Variants in DBF4B observed in about 807,000 individuals in gnomAD.
The protein encoded by DBF4B is DBF4B-CDC7 kinase regulatory subunit, also known as protein DBF4 homolog B.
A neutral mutation model predicts 53.4 loss-of-function variants in DBF4B; 49 were observed. That is an observed-to-expected ratio of 0.92 (90% CI 0.73 to 1.16). The LOEUF (loss-of-function observed/expected upper bound fraction) is 1.16, where lower values mean the gene tolerates loss of function less well. Among genes scored for constraint, DBF4B ranks in the 50% most tolerant of loss-of-function variants. The pLI is 0.00. For missense variants in DBF4B, 692 were observed against 775.0 expected (o/e 0.89, Z 1.27); for synonymous variants, 257 against 288.7 (o/e 0.89, Z 1.11).
At chr17:44,732,139 G>T in intron 5 of DBF4B, 39 bp from the exon 6 acceptor site, 1 of 1,606,136 alleles carries the variant, frequency 6.2e-7, no homozygotes, top group Non-Finnish European at 8.5e-7. Context: ...AGGCCTTGGG[G>T]AGTCTCTGCT....
rs767661618 is a variant in DBF4B, at chr17:44,709,263, G to A, written c.20-41G>A. ...GGCGGGAGGCATGGAAGTTCCAAGG[G>A]TTGGTGAAGATGGTTGAGTTGCTGT... On this transcript the variant is annotated intron_variant, in intron 1 of 13. Coordinates refer to ENST00000315005, the MANE Select transcript of DBF4B (RefSeq NM_145663.3). The A allele has an allele frequency of 4.3e-6, 7 of 1,613,410 alleles. No individual in the cohort carries two copies. In the African/African-American group the frequency reaches 5.3e-5, roughly 12 times the overall value.
In DBF4B at chr17:44,749,763, G is replaced by A; in HGVS notation, c.1190-832G>A. The A allele has an allele frequency of 9.0e-7, 1 of 1,110,592 alleles. No individual in the cohort carries two copies. The highest frequency in any genetic ancestry group is 1.1e-6 in the Non-Finnish European group (1 of 900,666). 68.8% of individuals were successfully genotyped at this position (1,110,592 alleles called of 1,614,324 possible). A position where few individuals can be genotyped will look rare whatever the true frequency, so the allele number is the denominator to read the frequency against. Reference sequence around the variant, plus strand: ...GGCCCGGCTTCCTGGCCCTCCACAGGCCCTTGCCTCTCTGCAGAGCCGCGG... The same window carrying A: ...GGCCCGGCTTCCTGGCCCTCCACAGACCCTTGCCTCTCTGCAGAGCCGCGG... On this transcript the variant is annotated intron_variant, in intron 13 of 13. Coordinates refer to ENST00000315005, the MANE Select transcript of DBF4B (RefSeq NM_145663.3). The surrounding 1 kb of genome is among the most constrained non-coding windows in gnomAD (Gnocchi z 4.4).
rs1218889119 is a variant in DBF4B, at chr17:44,750,602, A to C, written c.1197A>C (p.Gln399His). ...CCTTGATCTGCCCTCCAGTGACCCA[A>C]GGCAGGGCTGCGGGCCAGCAGCGAT... ...KEDSCQASVTQGRAAGQQRWT... is the reference protein window; with the variant it reads ...KEDSCQASVTHGRAAGQQRWT... The change falls in exon 14 of 14, where the codon CAA (glutamine) becomes CAC (histidine). Residue 399 changes from glutamine to histidine, a missense_variant. Gln to His is a conservative substitution (Grantham distance 24, BLOSUM62 0). Transcript: ENST00000315005. The C allele has an allele frequency of 6.2e-7, 1 of 1,610,034 alleles. No individual in the cohort carries two copies. Among genetic ancestry groups the C allele is most frequent in the Middle Eastern group, 1.7e-4 (1 of 6,044 alleles).
intron 2 of DBF4B, among the ~76,000 whole-genome samples, chr17:44,717,563 G>T (rs937626457): frequency 2.2e-4 from 34 of 151,956 alleles, no homozygotes; most frequent in African/African-American, 8.0e-4. Context: ...AAAAAAATTA[G>T]CTGGATGTAG....
intron 10 of DBF4B, among the ~76,000 whole-genome samples, chr17:44,744,563 C>T (rs1249624670): frequency 6.6e-6 from 1 of 152,092 alleles, no homozygotes; most frequent in Non-Finnish European, 1.5e-5. Flanking sequence ...AGTAAATTTG[C>T]AATTGCTCAT....
At chr17:44,746,648 G>A (rs532374155) in intron 10 of DBF4B, among the ~76,000 whole-genome samples, 3 of 152,072 alleles carry the variant, frequency 2.0e-5, no homozygotes, top group South Asian at 2.1e-4. Context: ...GTGAAACCCC[G>A]TCTCTACTGA....
At position 44,748,346 on chromosome 17, in the gene DBF4B, C is replaced by T; in HGVS notation, c.1070C>T (p.Ser357Leu). The change falls in exon 13 of 14, where the codon TCA becomes TTA. Residue 357 changes from serine (S) to leucine (L), a missense_variant. Ser to Leu is a moderately radical substitution (Grantham distance 145). Around this residue, in one of 3 missense-constraint regions of DBF4B, gnomAD observed 597 missense variants for 665.8 expected, o/e 0.90. Transcript: ENST00000315005. ...IPFQAGLPRW[S>L]GSPASDCDPL... ...CAGTGTTTCTGTCCCAACAGGTGGT[C>T]AGGTTCCCCAGCTTCTGATTGTGAC... 6.3e-7 allele frequency: 1 copy of T among 1,595,660 alleles called. No homozygotes were observed. The highest frequency in any genetic ancestry group is 8.5e-7 in the Non-Finnish European group (1 of 1,170,736).
chr17:44,730,983 A>G lies in DBF4B; in HGVS notation c.436A>G (p.Lys146Glu). 1.9e-6 allele frequency: 3 copies of G among 1,613,972 alleles called. No individual in the cohort carries two copies. The highest frequency in any genetic ancestry group is 2.5e-6 in the Non-Finnish European group (3 of 1,179,910). ...CTGTCAGGTGCCTCTAAGCAGAGGG[A>G]AGGAGCTGCTGCAGAAGGCTATCAG... ...PVDSVPLSRGKELLQKAIRNQ... is the reference protein window; with the variant it reads ...PVDSVPLSRGEELLQKAIRNQ... Residue 146 changes from lysine (K) to glutamate (E), a missense_variant, in exon 5 of 14, where the codon AAG becomes GAG. Coordinates refer to ENST00000315005, the MANE Select transcript of DBF4B (RefSeq NM_145663.3).
intron 3 of DBF4B, among the ~76,000 whole-genome samples, chr17:44,727,387 C>T (rs2144905876): frequency 6.6e-6 from 1 of 152,106 alleles, no homozygotes; most frequent in East Asian, 1.9e-4. Flanking sequence ...CCATTGCACT[C>T]CAGCCCGGGC....
chr17:44,726,017 CTTGCTCTTGT>C (rs1974295553), intron 3 of DBF4B, among the ~76,000 whole-genome samples: 1 of 150,154 alleles, frequency 6.7e-6, no homozygotes, highest in Non-Finnish European at 1.5e-5. Flanking sequence ...GAGACGGAGT[CTTGCTCTTGT>C]TGCCCAGGCT....
intron 3 of DBF4B, among the ~76,000 whole-genome samples, chr17:44,728,949 T>C (rs1974586100): frequency 6.6e-6 from 1 of 151,240 alleles, no homozygotes; most frequent in Admixed American, 6.6e-5. Context: ...ATACAAAAAT[T>C]AGCCAGTGTG....
At chr17:44,729,785 C>A in intron 3 of DBF4B, 120 bp from the exon 4 acceptor site, 3 of 1,027,396 alleles carry the variant, frequency 2.9e-6, no homozygotes, top group Non-Finnish European at 2.8e-6. Context: ...TGCATTTAGT[C>A]TATTTAAAGA....
At chr17:44,743,116 A>C (rs1191305476) in intron 10 of DBF4B, among the ~76,000 whole-genome samples, 1 of 152,262 alleles carries the variant, frequency 6.6e-6, no homozygotes. Flanking sequence ...AGGGAGAGCC[A>C]GTCAGAAGGT....
Position 44,741,385 on chromosome 17 carries a change from T to C in DBF4B, c.763T>C (p.Phe255Leu), listed in dbSNP as rs761654002. Residue 255 changes from phenylalanine to leucine, a missense_variant, in exon 10 of 14, where the codon TTT becomes CTT. By Grantham distance (22) the Phe-to-Leu change is conservative. Transcript: ENST00000315005. ...HQFKSFPEIS[F>L]LGPKDASPFE... ...GTTTAAATCCTTTCCTGAAATTTCTTTTCTTGGACCCAAAGATGCAAGTCC... is the reference window on the plus strand; with the variant it reads ...GTTTAAATCCTTTCCTGAAATTTCTCTTCTTGGACCCAAAGATGCAAGTCC... The C allele has an allele frequency of 7.4e-6, 12 of 1,613,772 alleles. No individual in the cohort carries two copies. Among genetic ancestry groups the C allele is most frequent in the Non-Finnish European group, 9.3e-6 (11 of 1,179,748 alleles).
chr17:44,715,060 C>T (rs1281979593), intron 2 of DBF4B, among the ~76,000 whole-genome samples: 1 of 152,024 alleles, frequency 6.6e-6, no homozygotes, highest in Admixed American at 6.6e-5. Context: ...CAATCTGTAA[C>T]ATCATTTTCT....
At chr17:44,748,018 A>G (rs1422809893) in intron 12 of DBF4B, among the ~76,000 whole-genome samples, 1 of 152,142 alleles carries the variant, frequency 6.6e-6, no homozygotes, top group African/African-American at 2.4e-5. Context: ...CTCAAGCTCA[A>G]CTTGCACAGC....
chr17:44,732,514 A>G, intron 6 of DBF4B: 1 of 490,100 alleles, frequency 2.0e-6, no homozygotes, highest in South Asian at 2.5e-5. Context: ...GTCACCTGCT[A>G]CAGCTCTCCC....
intron 7 of DBF4B, among the ~76,000 whole-genome samples, chr17:44,735,336 T>TC (rs916547363): frequency 3.3e-5 from 5 of 151,904 alleles, no homozygotes; most frequent in Non-Finnish European, 5.9e-5. Flanking sequence ...TGTCAAAAAT[T>TC]CCCCCCTTCT....
At chr17:44,727,424 GAAA>G (rs147887451) in intron 3 of DBF4B, among the ~76,000 whole-genome samples, 1 of 145,022 alleles carries the variant, frequency 6.9e-6, no homozygotes, top group Non-Finnish European at 1.5e-5. Context: ...GTCTCAAAAA[GAAA>G]AAAAAAAGAA....
Sources: allele counts gnomAD v4.1 joint callset (sites outside exome capture counted in the v4.1 genomes callset), GRCh38; gene constraint gnomAD v4.1.1; regional missense constraint gnomAD v4.1.1; non-coding constraint Gnocchi (gnomAD v3.1); transcripts MANE v1.5; gene names NCBI Gene and HGNC (gene_info 2026-07-23, HGNC 2026-07-21).